Variants in SUPT3H observed in about 807,000 individuals in gnomAD.
SUPT3H encodes SPT3 homolog, SAGA and STAGA complex component.
SUPT3H carries 44 observed loss-of-function variants against 44.3 expected under a neutral mutation model. The ratio of observed to expected loss-of-function variants is 0.99; its 90% confidence interval spans 0.78 to 1.28. The LOEUF is 1.28. Among genes scored for constraint, SUPT3H ranks in the 50% most tolerant of loss-of-function variants. The probability of loss-of-function intolerance (pLI) is 0.00; values close to 1 mark genes in which losing one functional copy is unlikely to be tolerated. For missense variants in SUPT3H, 380 were observed against 387.1 expected (o/e 0.98, Z 0.15); for synonymous variants, 124 against 125.6 (o/e 0.99, Z 0.09).
At chr6:45,012,180 C>T (rs938655979) in intron 5 of SUPT3H, among the ~76,000 whole-genome samples, 19 of 150,452 alleles carry the variant, frequency 1.3e-4, no homozygotes, top group Admixed American at 1.1e-3. Context: ...TGTTGATATG[C>T]TTGAATTAGT....
At chr6:45,289,320 T>C (rs1779922133) in intron 2 of SUPT3H, among the ~76,000 whole-genome samples, 1 of 152,090 alleles carries the variant, frequency 6.6e-6, no homozygotes. Flanking sequence ...AAATAAGATA[T>C]TAATAAATTC....
intron 2 of SUPT3H, among the ~76,000 whole-genome samples, chr6:45,307,339 C>G (rs187431068): frequency 6.6e-6 from 1 of 152,214 alleles, no homozygotes; most frequent in African/African-American, 2.4e-5. Context: ...GTCCCTGACA[C>G]CCGAGTAGCC....
intron 2 of SUPT3H, among the ~76,000 whole-genome samples, chr6:45,177,062 G>A (rs1262663310): frequency 6.6e-6 from 1 of 152,238 alleles, no homozygotes; most frequent in Non-Finnish European, 1.5e-5. Flanking sequence ...GAACAAAGCT[G>A]GACGGAGAAT....
At chr6:44,983,262 G>A (rs1044621085) in intron 6 of SUPT3H, among the ~76,000 whole-genome samples, 4 of 152,082 alleles carry the variant, frequency 2.6e-5, no homozygotes, top group Non-Finnish European at 5.9e-5. Flanking sequence ...AGGGTGACTT[G>A]TTAGGTAAAA....
intron 2 of SUPT3H, among the ~76,000 whole-genome samples, chr6:45,106,762 C>T (rs1299072594): frequency 6.6e-6 from 1 of 152,190 alleles, no homozygotes; most frequent in Non-Finnish European, 1.5e-5. Context: ...TCTCGAACTC[C>T]TGACCTCAGG....
chr6:45,235,934 T>G (rs1232001796), intron 2 of SUPT3H, among the ~76,000 whole-genome samples: 2 of 152,178 alleles, frequency 1.3e-5, no homozygotes, highest in African/African-American at 4.8e-5. Flanking sequence ...AATAATGGCA[T>G]GAGCGATCTG....
chr6:44,829,929 C>T, intron 10 of SUPT3H, 72 bp from the exon 11 acceptor site: 1 of 1,390,172 alleles, frequency 7.2e-7, no homozygotes, highest in Non-Finnish European at 1.0e-6. Flanking sequence ...AAAAAGCAAG[C>T]AGAGCCCTCT....
intron 2 of SUPT3H, among the ~76,000 whole-genome samples, chr6:45,207,430 A>C (rs1052001358): frequency 2.0e-5 from 3 of 152,228 alleles, no homozygotes; most frequent in African/African-American, 7.2e-5. Context: ...GGAGATAGGG[A>C]GAAAGCAATT....
chr6:45,376,931 C>T (rs940298367), intron 1 of SUPT3H, among the ~76,000 whole-genome samples: 6 of 151,580 alleles, frequency 4.0e-5, no homozygotes, highest in Non-Finnish European at 8.8e-5. Context: ...TTCTTTCTAC[C>T]GAAATAACTT....
chr6:44,861,085 TG>T (rs1339539827), intron 10 of SUPT3H, among the ~76,000 whole-genome samples: 1 of 152,218 alleles, frequency 6.6e-6, no homozygotes, highest in Non-Finnish European at 1.5e-5. Context: ...TGTTTTGTTT[TG>T]TTTTTTTATT....
At chr6:44,841,683 T>C (rs1211756134) in intron 10 of SUPT3H, among the ~76,000 whole-genome samples, 3 of 152,238 alleles carry the variant, frequency 2.0e-5, no homozygotes, top group African/African-American at 4.8e-5. Flanking sequence ...AAAAATCAGT[T>C]ATTCTCCCTA....
chr6:44,969,150 C>T (rs73735289), intron 6 of SUPT3H, among the ~76,000 whole-genome samples: 1 of 152,192 alleles, frequency 6.6e-6, no homozygotes, highest in African/African-American at 2.4e-5. Context: ...CCCCTTCCTG[C>T]ACTTTCCCAT....
intron 2 of SUPT3H, among the ~76,000 whole-genome samples, chr6:45,259,175 C>A (rs925796552): frequency 4.0e-5 from 6 of 151,886 alleles, no homozygotes; most frequent in Non-Finnish European, 8.8e-5. Context: ...AAATAAGATG[C>A]GTTTATCAGA....
chr6:45,297,308 T>C (rs1410296306), intron 2 of SUPT3H, among the ~76,000 whole-genome samples: 3 of 152,202 alleles, frequency 2.0e-5, no homozygotes, highest in African/African-American at 2.4e-5. Context: ...TTCAGAGTTA[T>C]CCTATACAAA....
At position 45,105,942 on chromosome 6, in the gene SUPT3H, G is replaced by A. The variant is rs1483903931; in HGVS notation, c.166C>T (p.His56Tyr). The change falls in exon 3 of 11, where the codon CAC becomes TAC. Residue 56 changes from histidine (H) to tyrosine (Y), a missense_variant. Coordinates refer to ENST00000371459, the MANE Select transcript of SUPT3H (RefSeq NM_003599.4). ...CTTACCAGATTAATTAACTGAGTGT[G>A]TACCACATCTTCTACCAAAACTGCT... ...ETAVLVEDVV[H>Y]TQLINLLQQA... is the part of the protein sequence containing the mutation. The A allele has an allele frequency of 6.2e-7, 1 of 1,613,292 alleles. No individual in the cohort carries two copies. The highest frequency in any genetic ancestry group is 1.7e-4 in the Middle Eastern group (1 of 6,058).
Position 44,911,472 on chromosome 6 carries a change from T to C in SUPT3H, c.912+21181A>G, listed in dbSNP as rs76189556. 2.5e-3 allele frequency among the ~76,000 whole-genome samples: 382 copies of C among 152,306 alleles called. 2 individuals carry two copies. Among genetic ancestry groups the C allele is most frequent in the African/African-American group, 8.4e-3 (349 of 41,560 alleles). Reference sequence around the variant, plus strand: ...ACGGCATAAAAAATACTTCTGGAATTTATGCCAAAATTCTGGCATGTATAC... The same window carrying C: ...ACGGCATAAAAAATACTTCTGGAATCTATGCCAAAATTCTGGCATGTATAC... On this transcript the variant is annotated intron_variant, in intron 10 of 10. Transcript: ENST00000371459.
chr6:44,999,642 C>G (rs1443865474), intron 6 of SUPT3H, among the ~76,000 whole-genome samples: 2 of 151,884 alleles, frequency 1.3e-5, no homozygotes, highest in Non-Finnish European at 2.9e-5. Flanking sequence ...ATTAGATAAA[C>G]TTAGATATTT....
At chr6:44,905,192 C>G (rs776550258) in intron 10 of SUPT3H, among the ~76,000 whole-genome samples, 1 of 152,036 alleles carries the variant, frequency 6.6e-6, no homozygotes, top group African/African-American at 2.4e-5. Flanking sequence ...AACTAAAGAG[C>G]TTCTGCACAG....
At chr6:45,091,177 A>C (rs752792663) in intron 3 of SUPT3H, among the ~76,000 whole-genome samples, 9 of 151,940 alleles carry the variant, frequency 5.9e-5, no homozygotes, top group Non-Finnish European at 1.2e-4. Context: ...TTGGTTATTA[A>C]AACTATTTCT....
Sources: allele counts gnomAD v4.1 joint callset (sites outside exome capture counted in the v4.1 genomes callset), GRCh38; gene constraint gnomAD v4.1.1; transcripts MANE v1.5; gene names NCBI Gene and HGNC (gene_info 2026-07-23, HGNC 2026-07-21).